SOS2: variants seen among roughly 807,000 people sequenced by gnomAD.
SOS2 encodes the protein son of sevenless homolog 2.
A neutral mutation model predicts 148.2 loss-of-function variants in SOS2; 65 were observed. That is an observed-to-expected ratio of 0.44 (90% confidence interval 0.36 to 0.54). The LOEUF (loss-of-function observed/expected upper bound fraction) is 0.54. Among genes scored for constraint, SOS2 ranks in the 20% least tolerant of loss-of-function variants. SOS2 has a pLI of 0.00. For synonymous variants in SOS2, 539 were observed against 537.1 expected, an observed-to-expected ratio of 1.00 and a Z score of -0.05; for missense variants, 1,341 against 1,590.2, an observed-to-expected ratio of 0.84 and a Z score of 2.67.
At chr14:50,220,534 A>C (rs532468986) in intron 1 of SOS2, among the ~76,000 whole-genome samples, 2 of 152,116 alleles carry the variant, frequency 1.3e-5, no homozygotes, top group East Asian at 3.9e-4. Context: ...AAAAAATTTT[A>C]AACTCCATAA....
chr14:50,185,885 T>C (rs1338253587), intron 5 of SOS2, among the ~76,000 whole-genome samples: 2 of 152,134 alleles, frequency 1.3e-5, no homozygotes, highest in Non-Finnish European at 2.9e-5. Flanking sequence ...GGTACTATCA[T>C]CATCCTCATT....
intron 5 of SOS2, among the ~76,000 whole-genome samples, chr14:50,186,562 C>T (rs1885918178): frequency 6.6e-6 from 1 of 151,362 alleles, no homozygotes; most frequent in Non-Finnish European, 1.5e-5. Flanking sequence ...AGGAAGACTG[C>T]TTAAGCCCAG....
chr14:50,224,023 C>T (rs888763567), intron 1 of SOS2, among the ~76,000 whole-genome samples: 2 of 151,906 alleles, frequency 1.3e-5, no homozygotes, highest in Non-Finnish European at 2.9e-5. Flanking sequence ...CAGTGGCTCA[C>T]GCCTGTAATC....
rs938926285 is a variant in SOS2 at position 50,161,036 on chromosome 14, C to T, written c.1196+446G>A. Reference sequence around the variant, plus strand: ...TTAAAAAAAAGAAAAAAAGGCTGGGCGCAGCGGCTCACACCTGTAATCCGA... The same window carrying T: ...TTAAAAAAAAGAAAAAAAGGCTGGGTGCAGCGGCTCACACCTGTAATCCGA... On this transcript the variant is annotated intron_variant, in intron 9 of 22. Coordinates refer to ENST00000216373, the MANE Select transcript of SOS2 (RefSeq NM_006939.4). Among the ~76,000 whole-genome samples, 6 of 149,428 alleles carry T rather than the reference C, an allele frequency of 4.0e-5. No individual in the cohort carries two copies. In the South Asian group the frequency reaches 1.1e-3, roughly 26 times the overall value.
intron 2 of SOS2, among the ~76,000 whole-genome samples, chr14:50,203,193 T>C (rs1160055766): frequency 6.6e-6 from 1 of 151,664 alleles, no homozygotes; most frequent in Non-Finnish European, 1.5e-5. Flanking sequence ...GTAAACAGTA[T>C]AGTATAAAAG....
At chr14:50,223,060 G>C (rs1887245263) in intron 1 of SOS2, among the ~76,000 whole-genome samples, 1 of 152,176 alleles carries the variant, frequency 6.6e-6, no homozygotes, top group South Asian at 2.1e-4. Flanking sequence ...AAAAGGATGT[G>C]CTGACAAATT....
intron 8 of SOS2, among the ~76,000 whole-genome samples, chr14:50,169,764 T>A (rs534999616): frequency 1.2e-4 from 18 of 152,202 alleles, no homozygotes; most frequent in African/African-American, 3.4e-4. Context: ...TGGCAATATA[T>A]ATTGTTACAT....
intron 1 of SOS2, among the ~76,000 whole-genome samples, chr14:50,207,704 G>A (rs776242877): frequency 6.6e-5 from 10 of 151,450 alleles, no homozygotes; most frequent in Non-Finnish European, 1.5e-4. Context: ...TCGGGAGTTC[G>A]AGACCAGACT....
At chr14:50,167,235 T>C (rs1276220407) in intron 8 of SOS2, among the ~76,000 whole-genome samples, 1 of 152,206 alleles carries the variant, frequency 6.6e-6, no homozygotes, top group Non-Finnish European at 1.5e-5. Context: ...ATCCTCTTTA[T>C]GGTCTTTTTT....
chr14:50,216,127 G>A (rs565957957), intron 1 of SOS2, among the ~76,000 whole-genome samples: 278 of 149,120 alleles, frequency 1.9e-3, no homozygotes, highest in Non-Finnish European at 3.6e-3. Flanking sequence ...ATGGAGTCTC[G>A]CTGTTTCACC....
intron 6 of SOS2, among the ~76,000 whole-genome samples, chr14:50,181,147 T>G (rs931237312): frequency 2.6e-5 from 4 of 152,104 alleles, no homozygotes; most frequent in Non-Finnish European, 2.9e-5. Flanking sequence ...AATATATCCT[T>G]AAAAATGATT....
At chr14:50,204,242 C>A (rs757087831) in intron 2 of SOS2, 42 bp downstream of exon 2, 1 of 1,269,750 alleles carries the variant, frequency 7.9e-7, no homozygotes, top group Non-Finnish European at 1.1e-6. Flanking sequence ...TTAATTCATA[C>A]AGTGGTTGAG....
intron 2 of SOS2, among the ~76,000 whole-genome samples, chr14:50,203,625 T>C (rs945103337): frequency 6.6e-6 from 1 of 151,930 alleles, no homozygotes; most frequent in Non-Finnish European, 1.5e-5. Flanking sequence ...CACATACATA[T>C]ACATTTTTTT....
At chr14:50,205,432 T>C (rs1886628995) in intron 1 of SOS2, among the ~76,000 whole-genome samples, 1 of 152,132 alleles carries the variant, frequency 6.6e-6, no homozygotes, top group Non-Finnish European at 1.5e-5. Flanking sequence ...AGCCTCATAG[T>C]TAAGCAAAAG....
chr14:50,118,346 A>G lies in SOS2; in HGVS notation c.3997T>C (p.Ter1333ArgextTer2), dbSNP rs142666803. The change falls in exon 23 of 23, where the codon TGA (stop) becomes CGA (arginine). Residue 1333 changes from the stop codon to arginine (R), a stop_lost. Coordinates refer to ENST00000216373, the MANE Select transcript of SOS2 (RefSeq NM_006939.4). The stretch of plus-strand genomic sequence containing the variant: ...TCAATGACTACATATGGCTAAGGTC[A>G]TTGGGGAGTTTCTGCATTTTCTAGC... The part of the protein sequence containing the change: ...PLLENAETPQ[*>R] The G allele has an allele frequency of 4.2e-5, 68 of 1,612,958 alleles. No individual in the cohort carries two copies. In the Middle Eastern group the frequency reaches 9.9e-4, roughly 23 times the overall value.
intron 4 of SOS2, among the ~76,000 whole-genome samples, chr14:50,190,583 T>C (rs1029120052): frequency 3.9e-5 from 6 of 152,246 alleles, no homozygotes; most frequent in African/African-American, 1.4e-4. Context: ...TAATTTGATC[T>C]GCCTGCCACA....
intron 1 of SOS2, among the ~76,000 whole-genome samples, chr14:50,223,237 A>C (rs997239122): frequency 1.6e-4 from 25 of 152,218 alleles, no homozygotes; most frequent in Admixed American, 1.3e-4. Flanking sequence ...CTCTGTGGAA[A>C]TATCAAGTAA....
intron 1 of SOS2, among the ~76,000 whole-genome samples, chr14:50,205,871 G>C (rs1265217702): frequency 2.8e-5 from 4 of 145,054 alleles, no homozygotes; most frequent in African/African-American, 1.0e-4. Context: ...AGTGAGCAGA[G>C]ATCGCACCAC....
intron 4 of SOS2, among the ~76,000 whole-genome samples, chr14:50,190,217 A>T (rs898459682): frequency 3.3e-5 from 5 of 152,144 alleles, no homozygotes; most frequent in African/African-American, 9.7e-5. Flanking sequence ...CTAGTTAATT[A>T]TATATTTAAG....
Sources: gnomAD v4.1 joint callset for allele counts (sites outside exome capture counted in the v4.1 genomes callset) on GRCh38, gnomAD v4.1.1 for gene constraint, MANE v1.5 for transcripts, NCBI Gene and HGNC (gene_info 2026-07-23, HGNC 2026-07-21) for gene names.